LRP1B: variants seen among roughly 807,000 people sequenced by gnomAD.
The protein encoded by LRP1B is LDL receptor related protein 1B, also known as low-density lipoprotein receptor-related protein 1B.
In LRP1B, 217 loss-of-function variants were observed where a neutral mutation model predicts 556.6. The observed-to-expected ratio is 0.39, with a 90% CI of 0.35 to 0.44. The LOEUF is 0.44. LRP1B is among the 20% of genes least tolerant of loss of function. The pLI, the probability that LRP1B is intolerant of heterozygous loss-of-function variation, is 1.00. For missense variants in LRP1B, 5,053 were observed against 5,620.8 expected (o/e 0.90, Z 3.23); for synonymous variants, 2,047 against 1,865.8 (o/e 1.10, Z -2.50).
At chr2:141,457,665 G>A (rs1352103529) in intron 3 of LRP1B, among the ~76,000 whole-genome samples, 5 of 152,106 alleles carry the variant, frequency 3.3e-5, no homozygotes, top group South Asian at 2.1e-4. Context: ...GGGCACCTAT[G>A]TGAAATACAT....
chr2:141,189,999 T>G (rs1042971592), intron 6 of LRP1B, among the ~76,000 whole-genome samples: 1 of 151,876 alleles, frequency 6.6e-6, no homozygotes. Flanking sequence ...CCACTACCTA[T>G]AATCTCATCA....
intron 20 of LRP1B, among the ~76,000 whole-genome samples, chr2:140,935,560 A>G (rs1695178704): frequency 6.6e-6 from 1 of 152,134 alleles, no homozygotes; most frequent in Admixed American, 6.6e-5. Flanking sequence ...CATGAAGAAG[A>G]GCAATATATA....
At chr2:141,797,416 G>A (rs889879135) in intron 2 of LRP1B, among the ~76,000 whole-genome samples, 1 of 151,656 alleles carries the variant, frequency 6.6e-6, no homozygotes, top group African/African-American at 2.4e-5. Flanking sequence ...GTTATTCTGT[G>A]TGTCATATTT....
intron 43 of LRP1B, among the ~76,000 whole-genome samples, chr2:140,548,921 T>C (rs1680445145): frequency 6.6e-6 from 1 of 152,042 alleles, no homozygotes; most frequent in African/African-American, 2.4e-5. Flanking sequence ...CAAGACTCTG[T>C]CTCAAAAAAA....
Position 142,115,580 on chromosome 2 carries a change from G to GTTACATATATATTATATA in LRP1B, c.82+15067_82+15068insTATATAATATATATGTAA. Among the ~76,000 whole-genome samples, 74 of 26,566 alleles carry GTTACATATATATTATATA rather than the reference G, an allele frequency of 2.8e-3. 1 individual carries two copies. Among genetic ancestry groups the GTTACATATATATTATATA allele is most frequent in the Non-Finnish European group, 4.3e-3 (55 of 12,682 alleles). 17.4% of individuals were successfully genotyped at this position (26,566 alleles called of 152,430 possible). Reference sequence around the variant, plus strand: ...TATATATGTAATATATATTATATATGTAATATATATATTATATATGTAATA... The same window carrying GTTACATATATATTATATA: ...TATATATGTAATATATATTATATATGTTACATATATATTATATATAATATATATATTATATATGTAATA... On this transcript the variant is annotated intron_variant, in intron 1 of 90. Coordinates refer to ENST00000389484, the MANE Select transcript of LRP1B (RefSeq NM_018557.3).
At chr2:140,982,507 T>C (rs1696802058) in intron 17 of LRP1B, among the ~76,000 whole-genome samples, 1 of 152,170 alleles carries the variant, frequency 6.6e-6, no homozygotes, top group Non-Finnish European at 1.5e-5. Context: ...AATGACAAGA[T>C]AGTCAGTAAC....
Position 141,231,983 on chromosome 2 carries a change from A to C in LRP1B, c.593-2543T>G, listed in dbSNP as rs112050746. On this transcript the variant is annotated intron_variant, in intron 5 of 90. Coordinates refer to ENST00000389484, the MANE Select transcript of LRP1B (RefSeq NM_018557.3). ...CAACAAAAATATTCTTAAAAATGCT[A>C]AGATCATTTCCACAAAAACAAAGTC... is the stretch of plus-strand genomic sequence containing the variant. Among the ~76,000 whole-genome samples the C allele has an allele frequency of 2.3e-3, 347 of 152,312 alleles. 4 individuals carry two copies. Among genetic ancestry groups the C allele is most frequent in the African/African-American group, 7.5e-3 (313 of 41,576 alleles).
intron 13 of LRP1B, among the ~76,000 whole-genome samples, chr2:141,014,926 A>G (rs772136968): frequency 1.3e-5 from 2 of 152,114 alleles, no homozygotes; most frequent in African/African-American, 4.8e-5. Flanking sequence ...CTAAAACAGA[A>G]TCCATAATGA....
intron 7 of LRP1B, among the ~76,000 whole-genome samples, chr2:141,101,844 A>ATC (rs1239989591): frequency 3.9e-5 from 6 of 152,146 alleles, no homozygotes; most frequent in African/African-American, 1.4e-4. Flanking sequence ...TTGCCTTGGT[A>ATC]TCTCTTCAAT....
intron 1 of LRP1B, 68 bp from the exon 2 acceptor site, chr2:141,810,469 C>G (rs1156686384): frequency 1.3e-6 from 2 of 1,532,766 alleles, no homozygotes; most frequent in African/African-American, 2.7e-5. Flanking sequence ...GCAGTACAAA[C>G]ATGAAATGTG....
intron 76 of LRP1B, among the ~76,000 whole-genome samples, chr2:140,352,376 A>G (rs1005562378): frequency 1.3e-5 from 2 of 151,978 alleles, no homozygotes; most frequent in South Asian, 2.1e-4. Context: ...GGGTTTCACC[A>G]TGTTGGTCAG....
chr2:140,737,601 T>G (rs1435156074), intron 35 of LRP1B, among the ~76,000 whole-genome samples: 1 of 152,118 alleles, frequency 6.6e-6, no homozygotes, highest in African/African-American at 2.4e-5. Context: ...GCAATCACAG[T>G]GGAAAGGCCA....
At chr2:142,109,231 C>G (rs911065166) in intron 1 of LRP1B, among the ~76,000 whole-genome samples, 1 of 152,118 alleles carries the variant, frequency 6.6e-6, no homozygotes, top group African/African-American at 2.4e-5. Context: ...CATTATGGAC[C>G]TCAGTGGACT....
intron 43 of LRP1B, among the ~76,000 whole-genome samples, chr2:140,550,629 A>G (rs1680513685): frequency 6.6e-6 from 1 of 152,140 alleles, no homozygotes; most frequent in Admixed American, 6.6e-5. Context: ...ACACATGCAA[A>G]CAAACACGCA....
intron 1 of LRP1B, among the ~76,000 whole-genome samples, chr2:141,978,609 T>C (rs983329725): frequency 6.6e-6 from 1 of 152,036 alleles, no homozygotes; most frequent in Non-Finnish European, 1.5e-5. Context: ...ATAGGTGTTC[T>C]TGAAGCTTCC....
chr2:140,285,690 T>G (rs2104975450), intron 84 of LRP1B, among the ~76,000 whole-genome samples: 1 of 151,956 alleles, frequency 6.6e-6, no homozygotes, highest in Admixed American at 6.6e-5. Flanking sequence ...ATTACATTGT[T>G]AATAGCATTT....
At chr2:141,206,800 T>C (rs1022973212) in intron 6 of LRP1B, among the ~76,000 whole-genome samples, 1 of 151,962 alleles carries the variant, frequency 6.6e-6, no homozygotes, top group African/African-American at 2.4e-5. Context: ...GAAGTGAGAG[T>C]GAGGCTATCT....
intron 1 of LRP1B, among the ~76,000 whole-genome samples, chr2:142,099,096 G>A (rs2104965095): frequency 6.6e-6 from 1 of 151,832 alleles, no homozygotes; most frequent in African/African-American, 2.4e-5. Flanking sequence ...AATGAGAATG[G>A]CACAAGTTGA....
intron 3 of LRP1B, among the ~76,000 whole-genome samples, chr2:141,474,220 TA>T (rs931133954): frequency 3.3e-5 from 5 of 150,278 alleles, no homozygotes; most frequent in South Asian, 2.1e-4. Flanking sequence ...TTCTGGAAAA[TA>T]AAAAAAAAAT....
Sources: allele counts gnomAD v4.1 joint callset (sites outside exome capture counted in the v4.1 genomes callset), GRCh38; gene constraint gnomAD v4.1.1; transcripts MANE v1.5; gene names NCBI Gene and HGNC (gene_info 2026-07-23, HGNC 2026-07-21).